TCEA3: variants seen among roughly 807,000 people sequenced by gnomAD.
The protein encoded by TCEA3 is transcription elongation factor A3.
In TCEA3, 36 loss-of-function variants were observed where a neutral mutation model predicts 44.0. That is an observed-to-expected ratio of 0.82 (90% CI 0.63 to 1.08). The LOEUF (loss-of-function observed/expected upper bound fraction) is 1.08. Ranked by LOEUF, TCEA3 falls within the 50% of genes least tolerant of loss-of-function variation. TCEA3 has a pLI of 0.00. For missense variants in TCEA3, 392 were observed against 441.2 expected (o/e 0.89, Z 1.00); for synonymous variants, 162 against 159.7 (o/e 1.01, Z -0.11).
chr1:23,392,396 C>CA, intron 8 of TCEA3, among the ~76,000 whole-genome samples: 1 of 45,176 alleles, frequency 2.2e-5, no homozygotes, highest in East Asian at 6.0e-4. Flanking sequence ...ACAAAACACA[C>CA]TCCACACATC....
At chr1:23,384,445 G>T in intron 9 of TCEA3, 28 bp from the exon 10 acceptor site, 1 of 1,609,370 alleles carries the variant, frequency 6.2e-7, no homozygotes, top group Non-Finnish European at 8.5e-7. Flanking sequence ...CACTCATGAA[G>T]TCACTCCCCT....
At chr1:23,394,072 G>A in intron 7 of TCEA3, 39 bp from the exon 8 acceptor site, 1 of 1,611,822 alleles carries the variant, frequency 6.2e-7, no homozygotes. Context: ...TCATGGAGGG[G>A]CACAGAAGGG....
intron 5 of TCEA3, among the ~76,000 whole-genome samples, chr1:23,399,158 A>ATG (rs1258612768): frequency 1.8e-5 from 2 of 109,062 alleles, no homozygotes; most frequent in African/African-American, 9.0e-5. Flanking sequence ...ATATATATAT[A>ATG]TATATATATA....
chr1:23,393,215 C>T (rs540911909), intron 8 of TCEA3, among the ~76,000 whole-genome samples: 2 of 152,232 alleles, frequency 1.3e-5, no homozygotes, highest in Admixed American at 1.3e-4. Flanking sequence ...GGCAGTAATG[C>T]GAGTGATGGG....
chr1:23,388,665 A>G lies in TCEA3; in HGVS notation c.820-1246T>C, dbSNP rs75420975. On this transcript the variant is annotated intron_variant, in intron 8 of 10. Transcript: ENST00000450454. ...AATTGCTAAGGGCAGGCCCAGGAAT[A>G]TGCATTTTTTAAAGTTCTTTATTTG... 7.0e-3 allele frequency among the ~76,000 whole-genome samples: 1,069 copies of G among 152,098 alleles called. 19 individuals carry two copies. Among genetic ancestry groups the G allele is most frequent in the African/African-American group, 0.024 (986 of 41,486 alleles).
chr1:23,420,764 A>G (rs953680676), intron 1 of TCEA3, among the ~76,000 whole-genome samples: 5 of 152,208 alleles, frequency 3.3e-5, no homozygotes, highest in African/African-American at 1.2e-4. Context: ...GTGCAGAACT[A>G]AAGCAGAAAG....
At chr1:23,419,400 AG>A in intron 1 of TCEA3, 1 of 325,416 alleles carries the variant, frequency 3.1e-6, no homozygotes, top group East Asian at 4.7e-5. Flanking sequence ...GCCTCTCCCC[AG>A]GAATGCCCTC....
chr1:23,420,427 A>G (rs968418795), intron 1 of TCEA3, among the ~76,000 whole-genome samples: 5 of 152,172 alleles, frequency 3.3e-5, no homozygotes, highest in Non-Finnish European at 5.9e-5. Context: ...ATTGTTTCGT[A>G]GAGATAGGGT....
chr1:23,392,423 A>ACTC (rs1639069828), intron 8 of TCEA3, among the ~76,000 whole-genome samples: 1 of 7,126 alleles, frequency 1.4e-4, no homozygotes, highest in Non-Finnish European at 2.9e-4. Flanking sequence ...CACAATACAC[A>ACTC]CACACTCCAC....
chr1:23,409,522 T>C (rs562811672), intron 4 of TCEA3, among the ~76,000 whole-genome samples: 1 of 152,240 alleles, frequency 6.6e-6, no homozygotes, highest in South Asian at 2.1e-4. Context: ...CCATAGCACG[T>C]GTCACCTTCT....
chr1:23,402,769 G>A (rs924953746), intron 5 of TCEA3, among the ~76,000 whole-genome samples: 1 of 152,226 alleles, frequency 6.6e-6, no homozygotes, highest in East Asian at 1.9e-4. Context: ...ACCCTGTCAC[G>A]GGTTCACCAC....
At chr1:23,417,675 C>T (rs910360701) in intron 3 of TCEA3, among the ~76,000 whole-genome samples, 4 of 152,238 alleles carry the variant, frequency 2.6e-5, no homozygotes, top group South Asian at 2.1e-4. Flanking sequence ...CATGAGAGCA[C>T]AAACACGTAA....
chr1:23,381,837 G>A (rs940731331), intron 10 of TCEA3, among the ~76,000 whole-genome samples: 1 of 152,208 alleles, frequency 6.6e-6, no homozygotes, highest in Non-Finnish European at 1.5e-5. Flanking sequence ...GAAGTCTGTA[G>A]TTGTTACCTC....
intron 5 of TCEA3, among the ~76,000 whole-genome samples, chr1:23,401,604 A>C (rs1304393573): frequency 3.9e-5 from 6 of 152,162 alleles, no homozygotes; most frequent in Non-Finnish European, 1.5e-5. Context: ...TCCTGGTCAC[A>C]GGGTTCCCAC....
chr1:23,402,949 G>T (rs1408889496), intron 5 of TCEA3, among the ~76,000 whole-genome samples: 1 of 152,134 alleles, frequency 6.6e-6, no homozygotes, highest in Non-Finnish European at 1.5e-5. Flanking sequence ...GAAAGAGGAA[G>T]GTCCTCTTTG....
At chr1:23,418,327 T>G in intron 2 of TCEA3, 1 of 303,532 alleles carries the variant, frequency 3.3e-6, no homozygotes, top group African/African-American at 2.1e-5. Flanking sequence ...TGTCTATTTT[T>G]TTGAGATGGA....
intron 5 of TCEA3, chr1:23,404,117 C>G (rs987225195): frequency 2.4e-5 from 17 of 702,188 alleles, no homozygotes; most frequent in South Asian, 2.4e-4. Flanking sequence ...TGCTTCTGTG[C>G]GCCACCTCGA....
rs33960365 is a variant in TCEA3 at position 23,413,986 on chromosome 1, G to GTATATATATA, written c.380+3253_380+3262dup. ...ATGCATAGGAATAGTCTAGCAGGATGTATATATATATATATATATATATAA... is the reference window on the plus strand; with the variant it reads ...ATGCATAGGAATAGTCTAGCAGGATGTATATATATATATATATATATATATATATATATAA... On this transcript the variant is annotated intron_variant, in intron 4 of 10. Coordinates refer to ENST00000450454, the MANE Select transcript of TCEA3 (RefSeq NM_003196.3). Among the ~76,000 whole-genome samples, 582 of 140,992 alleles carry GTATATATATA rather than the reference G, an allele frequency of 4.1e-3. 4 individuals carry two copies. Among genetic ancestry groups the GTATATATATA allele is most frequent in the South Asian group, 0.017 (76 of 4,410 alleles). 92.5% of individuals were successfully genotyped at this position (140,992 alleles called of 152,430 possible). A position where few individuals can be genotyped will look rare whatever the true frequency, so the allele number is the denominator to read the frequency against.
intron 4 of TCEA3, 136 bp from the exon 5 acceptor site, chr1:23,408,862 G>A: frequency 1.3e-6 from 1 of 746,816 alleles, no homozygotes; most frequent in Non-Finnish European, 2.2e-6. Flanking sequence ...CAGCTACTTG[G>A]GAGAGGGAGC....
Sources: allele counts gnomAD v4.1 joint callset (sites outside exome capture counted in the v4.1 genomes callset), GRCh38; gene constraint gnomAD v4.1.1; transcripts MANE v1.5; gene names NCBI Gene and HGNC (gene_info 2026-07-23, HGNC 2026-07-21).